TTC6: variants seen among roughly 807,000 people sequenced by gnomAD.
The protein encoded by TTC6 is tetratricopeptide repeat protein 6.
TTC6 carries 172 observed loss-of-function variants against 210.4 expected under a neutral mutation model. That is an observed-to-expected ratio of 0.82 (90% CI 0.72 to 0.93). The LOEUF is 0.93. Among genes scored for constraint, TTC6 ranks in the 40% least tolerant of loss-of-function variants. The pLI is 0.00. For missense variants in TTC6, 2,414 were observed against 2,318.1 expected (o/e 1.04, Z -0.85); for synonymous variants, 804 against 819.6 (o/e 0.98, Z 0.32).
intron 5 of TTC6, among the ~76,000 whole-genome samples, chr14:37,705,751 A>G (rs752835881): frequency 5.0e-5 from 4 of 80,614 alleles, no homozygotes; most frequent in Non-Finnish European, 9.6e-5. Flanking sequence ...GACAATTAAT[A>G]TAGAGTTGTG....
At chr14:37,615,321 C>T (rs562311209) in intron 2 of TTC6, among the ~76,000 whole-genome samples, 1 of 152,150 alleles carries the variant, frequency 6.6e-6, no homozygotes, top group East Asian at 1.9e-4. Flanking sequence ...AGTTCTCAAA[C>T]ATAATTATTT....
intron 10 of TTC6, among the ~76,000 whole-genome samples, chr14:37,746,331 A>G (rs2095935898): frequency 6.6e-6 from 1 of 152,160 alleles, no homozygotes; most frequent in South Asian, 2.1e-4. Context: ...GACTTGACTA[A>G]GCACATTCCA....
intron 14 of TTC6, among the ~76,000 whole-genome samples, chr14:37,775,825 G>A (rs2096035602): frequency 1.3e-5 from 2 of 152,060 alleles, no homozygotes; most frequent in Non-Finnish European, 2.9e-5. Flanking sequence ...ATATTTTTAG[G>A]ATAGTTAGAT....
At chr14:37,695,112 A>T (rs937734589) in intron 3 of TTC6, among the ~76,000 whole-genome samples, 21 of 151,054 alleles carry the variant, frequency 1.4e-4, no homozygotes, top group South Asian at 2.1e-4. Context: ...GGAGATCATT[A>T]TGTTAAGTGA....
At chr14:37,688,897 C>G (rs2095798581) in intron 3 of TTC6, among the ~76,000 whole-genome samples, 1 of 152,020 alleles carries the variant, frequency 6.6e-6, no homozygotes, top group Admixed American at 6.6e-5. Context: ...TCTTCAATGC[C>G]AAGACACAGA....
chr14:37,630,408 C>T (rs1013406531), intron 1 of TTC6, among the ~76,000 whole-genome samples: 2 of 152,124 alleles, frequency 1.3e-5, no homozygotes, highest in Non-Finnish European at 2.9e-5. Flanking sequence ...GTTTCTTAAT[C>T]CTGAGTTCTA....
chr14:37,603,964 T>C (rs2095620500), intron 1 of TTC6, among the ~76,000 whole-genome samples: 1 of 152,178 alleles, frequency 6.6e-6, no homozygotes, highest in Admixed American at 6.5e-5. Context: ...CAGTTGAGTG[T>C]AGAATGAGTA....
intron 29 of TTC6, among the ~76,000 whole-genome samples, chr14:37,837,819 A>C (rs772793573): frequency 1.3e-5 from 2 of 152,176 alleles, no homozygotes; most frequent in Non-Finnish European, 2.9e-5. Flanking sequence ...CCACTGTGCA[A>C]TCAGTGTTCC....
intron 2 of TTC6, 53 bp from the exon 5 acceptor site, chr14:37,682,705 C>T: frequency 6.8e-7 from 1 of 1,463,220 alleles, no homozygotes; most frequent in Non-Finnish European, 9.2e-7. Flanking sequence ...ACTGAAAAGC[C>T]TAGAAGGACC....
chr14:37,643,231 T>A (rs2095695418), intron 1 of TTC6, among the ~76,000 whole-genome samples: 1 of 152,070 alleles, frequency 6.6e-6, no homozygotes, highest in Admixed American at 6.5e-5. Flanking sequence ...TCACTTGAAC[T>A]GGGAAGGTGG....
At chr14:37,641,531 C>G (rs956414520) in intron 1 of TTC6, among the ~76,000 whole-genome samples, 1 of 152,112 alleles carries the variant, frequency 6.6e-6, no homozygotes, top group African/African-American at 2.4e-5. Context: ...ACCTGGTTTT[C>G]TCAGTTCATT....
chr14:37,813,602 A>C (rs1487013553), intron 25 of TTC6, among the ~76,000 whole-genome samples: 8 of 152,248 alleles, frequency 5.3e-5, no homozygotes, highest in South Asian at 2.1e-4. Context: ...CAGAGGAAGA[A>C]ACTGGTATTC....
At chr14:37,707,655 A>G (rs1595132760) in intron 5 of TTC6, among the ~76,000 whole-genome samples, 1 of 152,090 alleles carries the variant, frequency 6.6e-6, no homozygotes, top group African/African-American at 2.4e-5. Flanking sequence ...TTTGTTTCCT[A>G]TAATAAATCT....
At chr14:37,766,535 A>G (rs1204242249) in intron 14 of TTC6, among the ~76,000 whole-genome samples, 1 of 152,188 alleles carries the variant, frequency 6.6e-6, no homozygotes, top group Non-Finnish European at 1.5e-5. Context: ...TGCAAAGGAC[A>G]TGATCTTGTT....
chr14:37,807,875 G>T (rs1241724404), intron 23 of TTC6, among the ~76,000 whole-genome samples: 1 of 151,940 alleles, frequency 6.6e-6, no homozygotes, highest in Non-Finnish European at 1.5e-5. Context: ...TATAACTTGT[G>T]TGGTGCCCTG....
intron 10 of TTC6, among the ~76,000 whole-genome samples, chr14:37,740,215 G>A (rs555198255): frequency 6.6e-6 from 1 of 151,444 alleles, no homozygotes; most frequent in Non-Finnish European, 1.5e-5. Context: ...TCTTATTTAG[G>A]AATCAACACA....
intron 26 of TTC6, among the ~76,000 whole-genome samples, chr14:37,820,375 C>T (rs957512762): frequency 6.6e-6 from 1 of 152,192 alleles, no homozygotes; most frequent in Non-Finnish European, 1.5e-5. Context: ...GCTCATTAAA[C>T]ATTAGTGCTG....
At chr14:37,820,332 A>G (rs2096152461) in intron 26 of TTC6, among the ~76,000 whole-genome samples, 1 of 152,214 alleles carries the variant, frequency 6.6e-6, no homozygotes, top group African/African-American at 2.4e-5. Flanking sequence ...TTTAAGATTT[A>G]GTGAACATTT....
chr14:37,841,303 C>G (rs575383348), intron 29 of TTC6, 142 bp from the exon 32 acceptor site: 2 of 686,998 alleles, frequency 2.9e-6, no homozygotes, highest in African/African-American at 3.7e-5. Flanking sequence ...GCAGACAATG[C>G]ACCTCTGTAC....
Sources: gnomAD v4.1 joint callset for allele counts (sites outside exome capture counted in the v4.1 genomes callset) on GRCh38, gnomAD v4.1.1 for gene constraint, MANE v1.5 for transcripts, NCBI Gene and HGNC (gene_info 2026-07-23, HGNC 2026-07-21) for gene names.